ESR2: variants seen among roughly 807,000 people sequenced by gnomAD.
ESR2 encodes the protein estrogen receptor beta.
In ESR2, 36 loss-of-function variants were observed where a neutral mutation model predicts 49.6. The ratio of observed to expected loss-of-function variants is 0.73; its 90% CI spans 0.56 to 0.96. The LOEUF is 0.96. Among genes scored for constraint, ESR2 ranks in the 40% least tolerant of loss-of-function variants. ESR2 has a pLI of 0.00. For synonymous variants in ESR2, 320 were observed against 266.1 expected, an observed-to-expected ratio of 1.20 and a Z score of -1.97; for missense variants, 714 against 693.0, an observed-to-expected ratio of 1.03 and a Z score of -0.34.
intron 4 of ESR2, among the ~76,000 whole-genome samples, chr14:64,265,372 T>G (rs2076307986): frequency 6.6e-6 from 1 of 152,214 alleles, no homozygotes; most frequent in Non-Finnish European, 1.5e-5. Flanking sequence ...TACCCTACAG[T>G]ACAGGAACTA....
chr14:64,303,696 CA>C (rs2077055767), intron 1 of ESR2: 1 of 152,132 alleles, frequency 6.6e-6, no homozygotes, highest in African/African-American at 2.4e-5. Flanking sequence ...GTTTTTAGAT[CA>C]TTGTATATGT....
intron 1 of ESR2, among the ~76,000 whole-genome samples, chr14:64,288,539 G>C (rs376106487): frequency 6.6e-6 from 1 of 151,646 alleles, no homozygotes. Flanking sequence ...TAGTAGAGAC[G>C]GGGTTTCACC....
intron 1 of ESR2, 148 bp from the exon 2 acceptor site, chr14:64,283,223 G>A: frequency 2.8e-6 from 1 of 355,102 alleles, no homozygotes. Flanking sequence ...AACCTCAGAG[G>A]AGTGGGAATG....
intron 7 of ESR2, 83 bp from the exon 8 acceptor site, chr14:64,235,233 C>T: frequency 6.9e-7 from 1 of 1,451,556 alleles, no homozygotes. Flanking sequence ...TGCGCCTGCT[C>T]CGAGGTGATC....
intron 7 of ESR2, among the ~76,000 whole-genome samples, chr14:64,244,153 C>A (rs1032048724): frequency 3.3e-5 from 5 of 152,162 alleles, no homozygotes; most frequent in African/African-American, 7.2e-5. Context: ...AATCCCTGCA[C>A]TTTCGGAGGC....
At chr14:64,272,062 A>T (rs934455929) in intron 3 of ESR2, among the ~76,000 whole-genome samples, 1 of 152,148 alleles carries the variant, frequency 6.6e-6, no homozygotes, top group Non-Finnish European at 1.5e-5. Context: ...CCTCACTAGC[A>T]TTTGTTATTG....
At chr14:64,227,882 T>G, downstream of ESR2, 3 of 1,597,686 alleles carry the variant, frequency 1.9e-6, 1 homozygote, top group Middle Eastern at 1.7e-4. Flanking sequence ...TTCACATGAC[T>G]CTTGGCACTA....
chr14:64,272,906 TATC>T (rs1357993005), intron 3 of ESR2, among the ~76,000 whole-genome samples: 1 of 152,176 alleles, frequency 6.6e-6, no homozygotes, highest in Non-Finnish European at 1.5e-5. Flanking sequence ...TCTGTGAAAA[TATC>T]ATTGGTATTT....
chr14:64,237,784 A>G (rs1200974263), intron 7 of ESR2, among the ~76,000 whole-genome samples: 5 of 152,224 alleles, frequency 3.3e-5, no homozygotes, highest in Admixed American at 3.3e-4. Flanking sequence ...AAAGGACCAC[A>G]TGTTGTATGA....
At chr14:64,233,750 C>T (rs999506971) in intron 8 of ESR2, 3 of 168,322 alleles carry the variant, frequency 1.8e-5, no homozygotes, top group Non-Finnish European at 1.3e-5. Context: ...GTGATAAATA[C>T]CATTGACTCA....
In ESR2 at chr14:64,291,147, A is replaced by T. The variant is rs142122213; in HGVS notation, c.-91+2886T>A. Reference sequence around the variant, plus strand: ...CGAGTGAAGGGATTCAAGATGACACAGCCAATCCAGAAGTTAGGCTGAATG... The same window carrying T: ...CGAGTGAAGGGATTCAAGATGACACTGCCAATCCAGAAGTTAGGCTGAATG... On this transcript the variant is annotated intron_variant, in intron 1 of 8. Transcript: ENST00000341099. Among the ~76,000 whole-genome samples the T allele has an allele frequency of 6.3e-3, 957 of 152,356 alleles. 3 individuals are homozygous for T. Among genetic ancestry groups the T allele is most frequent in the Middle Eastern group, 0.014 (4 of 294 alleles).
At chr14:64,272,957 A>C (rs1308131676) in intron 3 of ESR2, among the ~76,000 whole-genome samples, 1 of 152,144 alleles carries the variant, frequency 6.6e-6, no homozygotes, top group African/African-American at 2.4e-5. Context: ...TGCTTTGGGT[A>C]GTATGGACAT....
chr14:64,238,744 G>A (rs1242753510), intron 7 of ESR2, among the ~76,000 whole-genome samples: 15 of 147,086 alleles, frequency 1.0e-4, no homozygotes, highest in Admixed American at 1.0e-3. Flanking sequence ...TGAAACGGAA[G>A]AAGTATAGTT....
chr14:64,246,282 G>T (rs987547934), intron 7 of ESR2, among the ~76,000 whole-genome samples: 4 of 152,110 alleles, frequency 2.6e-5, no homozygotes, highest in Non-Finnish European at 5.9e-5. Context: ...GAATCATGGG[G>T]GCAGTTTCCC....
intron 1 of ESR2, among the ~76,000 whole-genome samples, chr14:64,318,537 C>CAAA (rs58597271): frequency 0.053 from 1,709 of 32,358 alleles, 127 homozygotes; most frequent in Non-Finnish European, 0.064. Flanking sequence ...AACTCCATCT[C>CAAA]AAAAAAAAAA....
intron 3 of ESR2, among the ~76,000 whole-genome samples, chr14:64,275,025 T>A (rs1304648584): frequency 2.6e-5 from 4 of 152,242 alleles, no homozygotes; most frequent in Non-Finnish European, 4.4e-5. Context: ...ATATGGTATA[T>A]CCTTCAGAAT....
chr14:64,227,266 T>C, downstream of ESR2: 4 of 481,076 alleles, frequency 8.3e-6, no homozygotes, highest in Non-Finnish European at 3.7e-6. Flanking sequence ...TCTACATTGG[T>C]GCCCCTCATG....
At chr14:64,330,429 CAAA>C (rs35524660) in intron 1 of ESR2, 7 of 140,064 alleles carry the variant, frequency 5.0e-5, no homozygotes, top group East Asian at 2.1e-4. Context: ...AACTCCATCT[CAAA>C]AAAAAAAAAA....
intron 3 of ESR2, among the ~76,000 whole-genome samples, chr14:64,277,876 A>G (rs540213594): frequency 6.6e-6 from 1 of 152,276 alleles, no homozygotes; most frequent in Non-Finnish European, 1.5e-5. Context: ...AGGAAGGAAG[A>G]AACAACATAG....
Sources: allele counts gnomAD v4.1 joint callset (sites outside exome capture counted in the v4.1 genomes callset), GRCh38; gene constraint gnomAD v4.1.1; transcripts MANE v1.5; gene names NCBI Gene and HGNC (gene_info 2026-07-23, HGNC 2026-07-21).